The following INTS11 variants were observed in gnomAD, a reference collection of about 807,000 sequenced individuals.
INTS11 encodes the protein integrator complex subunit 11, also known as CPSF3-like protein.
In INTS11, 77 loss-of-function variants were observed where a neutral mutation model predicts 78.6. That is an observed-to-expected ratio of 0.98 (90% CI 0.81 to 1.18). The LOEUF (loss-of-function observed/expected upper bound fraction) is 1.18, where lower values mean the gene tolerates loss of function less well. Ranked by LOEUF, INTS11 falls within the 50% of genes most tolerant of loss-of-function variation. The pLI is 0.00. For synonymous variants in INTS11, 441 were observed against 326.9 expected (o/e 1.35, Z -3.77); for missense variants, 875 against 825.9 (o/e 1.06, Z -0.73).
At chr1:1,313,171 A>C (rs761576095) in intron 10 of INTS11, 47 bp from the exon 11 acceptor site, 1 of 1,562,258 alleles carries the variant, frequency 6.4e-7, no homozygotes, top group African/African-American at 1.4e-5. Flanking sequence ...CAGCCTTGGC[A>C]CCTCAAGGCC....
chr1:1,314,862 G>A lies in INTS11; in HGVS notation c.664C>T (p.Leu222=), dbSNP rs907443419. ...TCCACGGTCTCGTGGACTTTCTTCAGGAAGTCTCGCTCCCGGCAGCGCTTG... is the reference window on the plus strand; with the variant it reads ...TCCACGGTCTCGTGGACTTTCTTCAAGAAGTCTCGCTCCCGGCAGCGCTTG... The part of the protein sequence containing the change: ...DSKRCRERDF[L]KKVHETVERG... The change falls in exon 7 of 17, where the codon CTG becomes TTG. Residue 222 remains leucine (L), a synonymous_variant. Transcript: ENST00000435064. This position sits in a 1 kb window ranked among gnomAD's most constrained non-coding sequence, Gnocchi z 4.2. 1 of 1,612,940 alleles carries A rather than the reference G, an allele frequency of 6.2e-7. No homozygotes were observed. Among genetic ancestry groups the A allele is most frequent in the South Asian group, 1.1e-5 (1 of 91,080 alleles).
chr1:1,324,624 C>G lies in INTS11; in HGVS notation c.-16G>C. The G allele has an allele frequency of 6.3e-7, 1 of 1,598,926 alleles. No individual in the cohort carries two copies. On this transcript the variant is annotated 5_prime_UTR_variant, in exon 1 of 17. Coordinates refer to ENST00000435064, the MANE Select transcript of INTS11 (RefSeq NM_017871.6). ...TCTCAGGCATCGTCTCCGCCGCGCT[C>G]CCGGACCCGCGAGGCCCGCCTGCGG...
intron 4 of INTS11, chr1:1,317,415 AAAG>A (rs1478454103): frequency 2.1e-6 from 2 of 949,460 alleles, no homozygotes; most frequent in Non-Finnish European, 2.5e-6. Flanking sequence ...AGAAAAAAAA[AAAG>A]AATTCAACAG....
chr1:1,313,529 C>T lies in INTS11; in HGVS notation c.1021G>A (p.Ala341Thr). Residue 341 changes from alanine to threonine, a missense_variant, in exon 10 of 17, where the codon GCC (alanine) becomes ACC (threonine). Ala to Thr is a moderately conservative substitution (Grantham distance 58). Transcript: ENST00000435064. ...GQSLQIFRKW[A>T]GNEKNMVIMP... ...CTCACCATGTTCTTTTCGTTTCCGG[C>T]CCATTTCCGGAAGATCTGCAGGGAC... The T allele has an allele frequency of 1.9e-6, 3 of 1,613,036 alleles. No homozygotes were observed. Among genetic ancestry groups the T allele is most frequent in the Non-Finnish European group, 2.5e-6 (3 of 1,180,020 alleles).
rs746647718 is a variant in INTS11, at chr1:1,311,705, A to T, written c.*154T>A. 1.1e-5 allele frequency: 9 copies of T among 805,948 alleles called. No individual in the cohort carries two copies. The highest frequency in any genetic ancestry group is 1.7e-5 in the African/African-American group (1 of 58,932). The allele number at this position is 805,948 out of a possible 1,614,324, so 49.9% of individuals were successfully genotyped here. The stretch of plus-strand genomic sequence containing the variant: ...CCAGTTTGTTTCTTCAGCTGCAAAC[A>T]GCTGCCTGGGCAGGCAGGTGACACA... On this transcript the variant is annotated 3_prime_UTR_variant, in exon 17 of 17. Transcript: ENST00000435064.
rs775853479 is a variant in INTS11, at chr1:1,312,300, G to A, written c.1533C>T (p.Phe511=). ...ELGLAEHQLR[F]TCRVHLHDTR... ...TGTCATGCAGGTGCACGCGGCAGGT[G>A]AAGCGCAGCTGGTGCTCAGCCAGAC... is the stretch of plus-strand genomic sequence containing the variant. Residue 511 remains phenylalanine, a synonymous_variant, in exon 15 of 17, where the codon TTC becomes TTT. Transcript: ENST00000435064. 22 of 1,550,870 alleles carry A rather than the reference G, an allele frequency of 1.4e-5. No homozygotes were observed. The highest frequency in any genetic ancestry group is 7.8e-5 in the Admixed American group (4 of 51,096).
rs372177999 is a variant in INTS11 at position 1,324,625 on chromosome 1, C to G, written c.-17G>C. Reference sequence around the variant, plus strand: ...CTCAGGCATCGTCTCCGCCGCGCTCCCGGACCCGCGAGGCCCGCCTGCGGT... The same window carrying G: ...CTCAGGCATCGTCTCCGCCGCGCTCGCGGACCCGCGAGGCCCGCCTGCGGT... On this transcript the variant is annotated 5_prime_UTR_variant, in exon 1 of 17. Transcript: ENST00000435064. 1.3e-6 allele frequency: 2 copies of G among 1,598,788 alleles called. No homozygotes were observed. The highest frequency in any genetic ancestry group is 1.4e-5 in the African/African-American group (1 of 72,488).
rs375884104 is a variant in INTS11, at chr1:1,320,999, G to A, written c.123C>T (p.Asp41=). ...GCCTCCTGCCCAAGGGACTCACGTCGTCATTGAAGCCCATGTGCATTCCAC... is the reference window on the plus strand; with the variant it reads ...GCCTCCTGCCCAAGGGACTCACGTCATCATTGAAGCCCATGTGCATTCCAC... The part of the protein sequence containing the change: ...LDCGMHMGFN[D]DRRFPDFSYI... The change falls in exon 2 of 17, where the codon GAC becomes GAT. Residue 41 remains aspartate (D), a synonymous_variant. Coordinates refer to ENST00000435064, the MANE Select transcript of INTS11 (RefSeq NM_017871.6). The A allele has an allele frequency of 2.1e-5, 34 of 1,612,644 alleles. No individual in the cohort carries two copies. The highest frequency in any genetic ancestry group is 1.1e-4 in the African/African-American group (8 of 74,910).
rs377629988 is a variant in INTS11 at position 1,322,779 on chromosome 1, G to T, written c.29-1686C>A. 1.5e-4 allele frequency: 91 copies of T among 593,422 alleles called. No homozygotes were observed. In the African/African-American group the frequency reaches 1.7e-3, roughly 11 times the overall value. The allele number at this position is 593,422 out of a possible 1,614,324, so 36.8% of individuals were successfully genotyped here. A position where few individuals can be genotyped will look rare whatever the true frequency, so the allele number is the denominator to read the frequency against. On this transcript the variant is annotated intron_variant, in intron 1 of 16. Coordinates refer to ENST00000435064, the MANE Select transcript of INTS11 (RefSeq NM_017871.6). ...GGGGGGGTAGCCACACACAGGCCAA[G>T]GCGTGGGAGTGACCCCAAGGACACA...
In INTS11 at chr1:1,312,213, G is replaced by GGGGGGCCGGCCCCCCCCCCCCCCCCCCC; in HGVS notation, c.1607+12_1607+13insGGGGGGGGGGGGGGGGGGGCCGGCCCCC. ...CCCAAGGGAGTGGGGGGGGGGCGGG[G>GGGGGGCCGGCCCCCCCCCCCCCCCCCCC]CCGGGCGCCCACCTCTTGAGGTGGC... On this transcript the variant is annotated intron_variant, in intron 15 of 16. Transcript: ENST00000435064. The GGGGGGCCGGCCCCCCCCCCCCCCCCCCC allele has an allele frequency of 1.1e-6, 1 of 934,622 alleles. No individual in the cohort carries two copies. The highest frequency in any genetic ancestry group is 1.6e-6 in the Non-Finnish European group (1 of 636,672). The allele number at this position is 934,622 out of a possible 1,614,324, so 57.9% of individuals were successfully genotyped here.
chr1:1,313,486 C>A, intron 10 of INTS11, 23 bp downstream of exon 10: 1 of 1,612,654 alleles, frequency 6.2e-7, no homozygotes, highest in Non-Finnish European at 8.5e-7. Flanking sequence ...CTTCCAGATT[C>A]CCACACCTCA....
intron 1 of INTS11, among the ~76,000 whole-genome samples, chr1:1,324,164 GGGGCT>G (rs1643178231): frequency 1.7e-5 from 2 of 118,662 alleles, no homozygotes; most frequent in African/African-American, 3.2e-5. Flanking sequence ...GAGGGGCTGG[GGGGCT>G]GAGGGGCTGG....
Position 1,311,770 on chromosome 1 carries a change from C to A in INTS11, c.*89G>T, listed in dbSNP as rs1350210635. 2.5e-5 allele frequency: 33 copies of A among 1,344,176 alleles called. No homozygotes were observed. The highest frequency in any genetic ancestry group is 3.1e-5 in the Non-Finnish European group (30 of 972,650). The allele number at this position is 1,344,176 out of a possible 1,614,324, so 83.3% of individuals were successfully genotyped here. A position where few individuals can be genotyped will look rare whatever the true frequency, so the allele number is the denominator to read the frequency against. Reference sequence around the variant, plus strand: ...AGGGATGGGACCTGCAGGGTCTGTTCACCCAGGGCACCCACAGTCCTGAAG... The same window carrying A: ...AGGGATGGGACCTGCAGGGTCTGTTAACCCAGGGCACCCACAGTCCTGAAG... On this transcript the variant is annotated 3_prime_UTR_variant, in exon 17 of 17. Transcript: ENST00000435064.
At chr1:1,324,179 G>GGGGGCTGGGGGGCTGA (rs1449906347) in intron 1 of INTS11, among the ~76,000 whole-genome samples, 2 of 16,630 alleles carry the variant, frequency 1.2e-4, no homozygotes, top group Admixed American at 7.7e-4. Context: ...TGAGGGGCTG[G>GGGGGCTGGGGGGCTGA]GAGGCTGAGA....
At position 1,311,933 on chromosome 1, in the gene INTS11, G is replaced by C; in HGVS notation, c.1738-9C>G. On this transcript the variant is annotated splice_polypyrimidine_tract_variant and intron_variant, in intron 16 of 16. Coordinates refer to ENST00000435064, the MANE Select transcript of INTS11 (RefSeq NM_017871.6). ...CTCCCCAGCTCCTCGTCCTAGGGCA[G>C]AGGCAAAAGCATTGTGGGTGGTGCA... The C allele has an allele frequency of 6.3e-7, 1 of 1,583,448 alleles. No individual in the cohort carries two copies. Among genetic ancestry groups the C allele is most frequent in the African/African-American group, 1.4e-5 (1 of 73,856 alleles).
In INTS11 at chr1:1,314,419, G is replaced by C. The variant is rs1642447258; in HGVS notation, c.703-54C>G. 6.6e-7 allele frequency: 1 copy of C among 1,513,414 alleles called. No individual in the cohort carries two copies. The highest frequency in any genetic ancestry group is 1.2e-5 in the South Asian group (1 of 84,306). The allele number at this position is 1,513,414 out of a possible 1,614,324, so 93.7% of individuals were successfully genotyped here. Reference sequence around the variant, plus strand: ...GGCACATGGCCCCTCGACACAGCAGGCAGCGTCCAGTGAGGGCACGGCCAG... The same window carrying C: ...GGCACATGGCCCCTCGACACAGCAGCCAGCGTCCAGTGAGGGCACGGCCAG... On this transcript the variant is annotated intron_variant, in intron 7 of 16. Transcript: ENST00000435064. The surrounding 1 kb of genome is among the most constrained non-coding windows in gnomAD (Gnocchi z 4.2).
intron 2 of INTS11, 157 bp from the exon 3 acceptor site, chr1:1,320,686 C>T: frequency 1.3e-6 from 1 of 797,792 alleles, no homozygotes; most frequent in East Asian, 2.5e-5. Context: ...CCCCTGGCTG[C>T]TCACAGCATC....
chr1:1,322,170 G>A (rs1484367837), intron 1 of INTS11, among the ~76,000 whole-genome samples: 1 of 152,060 alleles, frequency 6.6e-6, no homozygotes, highest in East Asian at 1.9e-4. Flanking sequence ...CATGCCCAGG[G>A]ACCTAAGGCC....
chr1:1,315,755 CGAGGGAGGTGGGGGCGGGGAGGGAGG>C (rs1210002664), intron 4 of INTS11, 137 bp from the exon 5 acceptor site: 2 of 53,586 alleles, frequency 3.7e-5, no homozygotes, highest in South Asian at 7.4e-4. Context: ...GGGGCGGGAG[CGAGGGAGGTGGGGGCGGGGAGGGAGG>C]GAGGGAGGCG....
Sources: allele counts gnomAD v4.1 joint callset (sites outside exome capture counted in the v4.1 genomes callset), GRCh38; gene constraint gnomAD v4.1.1; non-coding constraint Gnocchi (gnomAD v3.1); transcripts MANE v1.5; gene names NCBI Gene and HGNC (gene_info 2026-07-23, HGNC 2026-07-21).